SURF6: variants seen among roughly 807,000 people sequenced by gnomAD.
SURF6 encodes the protein surfeit locus protein 6.
In SURF6, 28 loss-of-function variants were observed where a neutral mutation model predicts 37.5. The observed-to-expected ratio is 0.75, with a 90% CI of 0.55 to 1.02. The LOEUF (loss-of-function observed/expected upper bound fraction) is 1.02, where lower values mean the gene tolerates loss of function less well. Ranked by LOEUF, SURF6 falls within the 50% of genes least tolerant of loss-of-function variation. The pLI, the probability that SURF6 is intolerant of heterozygous loss-of-function variation, is 0.00. For missense variants in SURF6, 560 were observed against 490.5 expected, an observed-to-expected ratio of 1.14 and a Z score of -1.34; for synonymous variants, 248 against 210.9, an observed-to-expected ratio of 1.18 and a Z score of -1.52.
In SURF6 at chr9:133,333,812, G is replaced by A. The variant is rs2129925007; in HGVS notation, c.305-6C>T. ...AGGCTCAGTGGCCAGGCCATCTGCA[G>A]GGAAGGAGACAGGACTGCAGGGGGC... On this transcript the variant is annotated splice_polypyrimidine_tract_variant and splice_region_variant and intron_variant, in intron 2 of 4. Transcript: ENST00000372022. The A allele has an allele frequency of 1.2e-6, 2 of 1,612,976 alleles. No individual in the cohort carries two copies. The highest frequency in any genetic ancestry group is 1.7e-5 in the Admixed American group (1 of 59,964).
In SURF6 at chr9:133,332,539, C is replaced by A; in HGVS notation, c.606+9G>T. 2 of 1,606,300 alleles carry A rather than the reference C, an allele frequency of 1.2e-6. No homozygotes were observed. Among genetic ancestry groups the A allele is most frequent in the Non-Finnish European group, 1.7e-6 (2 of 1,178,524 alleles). On this transcript the variant is annotated intron_variant, in intron 4 of 4. Transcript: ENST00000372022. ...ACCCAGCCCGCCCAAGGACCCAGCT[C>A]CCGCTCACCTTATTGAAGATCAGCC...
In SURF6 at chr9:133,332,640, C is replaced by G. The variant is rs2129920197; in HGVS notation, c.514G>C (p.Glu172Gln). Residue 172 changes from glutamate (E) to glutamine (Q), a missense_variant, in exon 4 of 5, where the codon GAG becomes CAG. Transcript: ENST00000372022. ...ACCTCCTGGGCCTCCGTGGCCTCCT[C>G]AGCCTTCCTGGCCTTCTCTTTCGCC... ...LRAKEKARKAEEATEAQEVVE... is the reference protein window; with the variant it reads ...LRAKEKARKAQEATEAQEVVE... 3 of 1,611,648 alleles carry G rather than the reference C, an allele frequency of 1.9e-6. No individual in the cohort carries two copies. The South Asian group carries it at 3.3e-5, about 18-fold the overall frequency.
rs1260119439 is a variant in SURF6, at chr9:133,334,566, G to A, written c.130C>T (p.Pro44Ser). The A allele has an allele frequency of 5.6e-6, 9 of 1,611,990 alleles. No homozygotes were observed. The highest frequency in any genetic ancestry group is 7.6e-6 in the Non-Finnish European group (9 of 1,179,994). The change falls in exon 2 of 5, where the codon CCA (proline) becomes TCA (serine). Residue 44 changes from proline (P) to serine (S), a missense_variant. Pro to Ser is a moderately conservative substitution (Grantham distance 74). Transcript: ENST00000372022. ...KTQGSETAGP[P>S]KKKRKKTQKK... ...TGTGTTTTCTTCCTTTTCTTTTTTG[G>A]GGGCCCTGCAGTTTCTGAGCCTTGA... is the stretch of plus-strand genomic sequence containing the variant.
Position 133,331,845 on chromosome 9 carries a change from A to G in SURF6, c.*24T>C. On this transcript the variant is annotated 3_prime_UTR_variant, in exon 5 of 5. Coordinates refer to ENST00000372022, the MANE Select transcript of SURF6 (RefSeq NM_006753.6). ...GTCCTGGAGTCTCCTAGGACGGAAG[A>G]CGGCGGCCCCAGGTGGGAAAGACTC... is the stretch of plus-strand genomic sequence containing the variant. The G allele has an allele frequency of 6.7e-7, 1 of 1,496,314 alleles. No homozygotes were observed. Among genetic ancestry groups the G allele is most frequent in the East Asian group, 2.3e-5 (1 of 43,240 alleles). 92.7% of individuals were successfully genotyped at this position (1,496,314 alleles called of 1,614,324 possible).
intron 1 of SURF6, among the ~76,000 whole-genome samples, chr9:133,335,801 G>T (rs950775927): frequency 2.0e-5 from 3 of 152,048 alleles, no homozygotes; most frequent in South Asian, 4.2e-4. Flanking sequence ...GCGTGAACCC[G>T]GGAGACGGAG....
rs782277005 is a variant in SURF6, at chr9:133,336,176, G to C, written c.-44C>G. ...TCACGACTCACACCTTCCCCGCTGCGCGTGCGACTCTCACCACCTCCGCCG... is the reference window on the plus strand; with the variant it reads ...TCACGACTCACACCTTCCCCGCTGCCCGTGCGACTCTCACCACCTCCGCCG... On this transcript the variant is annotated 5_prime_UTR_variant, in exon 1 of 5. Transcript: ENST00000372022. 1 of 1,542,130 alleles carries C rather than the reference G, an allele frequency of 6.5e-7. No homozygotes were observed. The highest frequency in any genetic ancestry group is 8.8e-7 in the Non-Finnish European group (1 of 1,131,528).
chr9:133,331,650 A>G lies in SURF6; in HGVS notation c.*219T>C. ...TCCCTCACCCTTTCCCTGGGTCTGA[A>G]GGTCCCGGATCCTGCGTTCAAGGAT... On this transcript the variant is annotated 3_prime_UTR_variant, in exon 5 of 5. Transcript: ENST00000372022. 1 of 553,570 alleles carries G rather than the reference A, an allele frequency of 1.8e-6. No individual in the cohort carries two copies. The allele number at this position is 553,570 out of a possible 1,614,324, so 34.3% of individuals were successfully genotyped here.
chr9:133,330,234 CA>C lies in SURF6; in HGVS notation c.*1634del, dbSNP rs1835690612. On this transcript the variant is annotated 3_prime_UTR_variant, in exon 5 of 5. Transcript: ENST00000372022. Reference sequence around the variant, plus strand: ...TTTGTGCTGCTTTAGCTCTGTTCCACAAATCTTAAATTTTTTCTTTTTGAGA... The same window carrying C: ...TTTGTGCTGCTTTAGCTCTGTTCCACAATCTTAAATTTTTTCTTTTTGAGA... 1 of 152,156 alleles carries C rather than the reference CA, an allele frequency of 6.6e-6. No homozygotes were observed. The highest frequency in any genetic ancestry group is 2.4e-5 in the African/African-American group (1 of 41,448). The allele number at this position is 152,156 out of a possible 1,614,324, so 9.4% of individuals were successfully genotyped here. A position where few individuals can be genotyped will look rare whatever the true frequency, so the allele number is the denominator to read the frequency against.
chr9:133,332,888 G>A (rs985668610), intron 3 of SURF6, 128 bp from the exon 4 acceptor site: 17 of 834,430 alleles, frequency 2.0e-5, no homozygotes, highest in African/African-American at 5.1e-5. Flanking sequence ...AGGGGCCCGC[G>A]GAGTTCAATG....
At position 133,331,989 on chromosome 9, in the gene SURF6, C is replaced by T. The variant is rs2129913615; in HGVS notation, c.966G>A (p.Gln322=). ...AGVVEKMQQR[Q]DRRRQNLRRK... is the part of the protein sequence containing the mutation. Reference sequence around the variant, plus strand: ...TGCGCAGGTTCTGCCGCCGCCGGTCCTGGCGCTGCTGCATCTTCTCCACCA... The same window carrying T: ...TGCGCAGGTTCTGCCGCCGCCGGTCTTGGCGCTGCTGCATCTTCTCCACCA... The change falls in exon 5 of 5, where the codon CAG becomes CAA. Residue 322 remains glutamine, a synonymous_variant. Coordinates refer to ENST00000372022, the MANE Select transcript of SURF6 (RefSeq NM_006753.6). 3.1e-6 allele frequency: 5 copies of T among 1,598,530 alleles called. No individual in the cohort carries two copies. The highest frequency in any genetic ancestry group is 3.3e-4 in the Middle Eastern group (2 of 6,024).
chr9:133,335,679 TGACC>T (rs1256555285), intron 1 of SURF6, among the ~76,000 whole-genome samples: 3 of 149,112 alleles, frequency 2.0e-5, no homozygotes, highest in Non-Finnish European at 3.0e-5. Flanking sequence ...TCCCACTGAC[TGACC>T]ATTACTCCTG....
At position 133,330,150 on chromosome 9, in the gene SURF6, T is replaced by G. The variant is rs2129905216; in HGVS notation, c.*1719A>C. On this transcript the variant is annotated 3_prime_UTR_variant, in exon 5 of 5. Coordinates refer to ENST00000372022, the MANE Select transcript of SURF6 (RefSeq NM_006753.6). ...TTTAAAAATACAGACATACAGCGTA[T>G]GTGTGTATAAATGGCACTATTTATC... 3.3e-5 allele frequency: 5 copies of G among 152,166 alleles called. No individual in the cohort carries two copies. The highest frequency in any genetic ancestry group is 1.2e-4 in the African/African-American group (5 of 41,474). The allele number at this position is 152,166 out of a possible 1,614,324, so 9.4% of individuals were successfully genotyped here. A position where few individuals can be genotyped will look rare whatever the true frequency, so the allele number is the denominator to read the frequency against.
rs1053833314 is a variant in SURF6, at chr9:133,333,313, C to G, written c.393+405G>C. ...GCTGGGGACTGTCCCCCACACAGCA[C>G]GAGGCCTTAAGGAAGGGCCCCAGGA... On this transcript the variant is annotated intron_variant, in intron 3 of 4. Coordinates refer to ENST00000372022, the MANE Select transcript of SURF6 (RefSeq NM_006753.6). Among the ~76,000 whole-genome samples the G allele has an allele frequency of 2.6e-5, 4 of 152,130 alleles. No homozygotes were observed. In the South Asian group the frequency reaches 6.2e-4, roughly 24 times the overall value.
At chr9:133,335,954 G>C in intron 1 of SURF6, 85 bp downstream of exon 1, 2 of 1,043,098 alleles carry the variant, frequency 1.9e-6, no homozygotes, top group Middle Eastern at 2.1e-4. Flanking sequence ...TTTTTTTCTA[G>C]TACTTTACAG....
At chr9:133,335,936 A>T in intron 1 of SURF6, 103 bp downstream of exon 1, 1 of 875,596 alleles carries the variant, frequency 1.1e-6, no homozygotes, top group Non-Finnish European at 1.7e-6. Flanking sequence ...TTCACAAGTC[A>T]CTTAGATTTT....
At position 133,330,985 on chromosome 9, in the gene SURF6, C is replaced by T. The variant is rs1278344788; in HGVS notation, c.*884G>A. 1 of 151,938 alleles carries T rather than the reference C, an allele frequency of 6.6e-6. No homozygotes were observed. Among genetic ancestry groups the T allele is most frequent in the African/African-American group, 2.4e-5 (1 of 41,422 alleles). 9.4% of individuals were successfully genotyped at this position (151,938 alleles called of 1,614,324 possible). On this transcript the variant is annotated 3_prime_UTR_variant, in exon 5 of 5. Transcript: ENST00000372022. Reference sequence around the variant, plus strand: ...AGTCACACCAGCTCCTGTTCAGTTACAGTCTTTGTCTCATAACCGGAGAGT... The same window carrying T: ...AGTCACACCAGCTCCTGTTCAGTTATAGTCTTTGTCTCATAACCGGAGAGT...
rs143996846 is a variant in SURF6 at position 133,332,598 on chromosome 9, C to T, written c.556G>A (p.Glu186Lys). 5.0e-5 allele frequency: 81 copies of T among 1,610,148 alleles called. No homozygotes were observed. The African/African-American group carries it at 1.0e-3, about 20-fold the overall frequency. Residue 186 changes from glutamate to lysine, a missense_variant, in exon 4 of 5, where the codon GAG becomes AAG. Coordinates refer to ENST00000372022, the MANE Select transcript of SURF6 (RefSeq NM_006753.6). ...TCCCGCGGCTCCGTGCAGGCCCCCT[C>T]TGGGGTTGCCTCCACCACCTCCTGG... ...EAQEVVEATP[E>K]GACTEPREPP...
chr9:133,332,070 G>A lies in SURF6; in HGVS notation c.885C>T (p.Arg295=), dbSNP rs2129914668. ...GCCGCTGCGCCCTGCGCTTCTCCTTGCGCTTCAGGGCCTCCTGCAGCAGGC... is the reference window on the plus strand; with the variant it reads ...GCCGCTGCGCCCTGCGCTTCTCCTTACGCTTCAGGGCCTCCTGCAGCAGGC... The part of the protein sequence containing the change: ...DERLLQEALK[R]KEKRRAQRQR... Residue 295 remains arginine (R), a synonymous_variant, in exon 5 of 5, where the codon CGC becomes CGT. Coordinates refer to ENST00000372022, the MANE Select transcript of SURF6 (RefSeq NM_006753.6). 3.6e-3 allele frequency: 5,828 copies of A among 1,606,942 alleles called. 86 individuals are homozygous for A. The African/African-American group carries it at 0.043, about 12-fold the overall frequency.
chr9:133,332,844 C>A, intron 3 of SURF6, 84 bp from the exon 4 acceptor site: 3 of 1,380,872 alleles, frequency 2.2e-6, no homozygotes, highest in Admixed American at 2.0e-5. Flanking sequence ...AGAATCAGGG[C>A]TGGAAGGCAG....
Sources: allele counts gnomAD v4.1 joint callset (sites outside exome capture counted in the v4.1 genomes callset), GRCh38; gene constraint gnomAD v4.1.1; transcripts MANE v1.5; gene names NCBI Gene and HGNC (gene_info 2026-07-23, HGNC 2026-07-21).